Variants in GABPB1 observed in about 807,000 individuals in gnomAD.
GABPB1 encodes the protein GA-binding protein subunit beta-1.
In GABPB1, 15 loss-of-function variants were observed where a neutral mutation model predicts 45.9. That is an observed-to-expected ratio of 0.33 (90% CI 0.22 to 0.50). GABPB1 has a LOEUF of 0.50. Ranked by LOEUF, GABPB1 falls within the 20% of genes least tolerant of loss-of-function variation. The pLI, the probability that GABPB1 is intolerant of heterozygous loss-of-function variation, is 0.98. For missense variants in GABPB1, 252 were observed against 457.5 expected (o/e 0.55, Z 4.10); for synonymous variants, 143 against 154.4 (o/e 0.93, Z 0.55).
intron 6 of GABPB1, among the ~76,000 whole-genome samples, chr15:50,293,313 G>A (rs1033629897): frequency 2.6e-5 from 4 of 152,078 alleles, no homozygotes; most frequent in African/African-American, 4.8e-5. Flanking sequence ...TAGGAAACTA[G>A]TTTTCAAGAT....
chr15:50,296,580 G>A (rs1408247030), intron 6 of GABPB1, among the ~76,000 whole-genome samples: 1 of 152,164 alleles, frequency 6.6e-6, no homozygotes, highest in Non-Finnish European at 1.5e-5. Flanking sequence ...GAATCAGTCA[G>A]ACTGACCAAA....
chr15:50,307,470 G>A (rs937574040), intron 2 of GABPB1, among the ~76,000 whole-genome samples: 9 of 152,022 alleles, frequency 5.9e-5, no homozygotes, highest in East Asian at 1.9e-4. Context: ...TTGGGAGGCC[G>A]AGGCGGGCTG....
At chr15:50,306,455 C>A (rs1339625956) in intron 2 of GABPB1, among the ~76,000 whole-genome samples, 1 of 151,998 alleles carries the variant, frequency 6.6e-6, no homozygotes, top group Non-Finnish European at 1.5e-5. Context: ...CATGGTGAAA[C>A]CTCATCTACT....
At chr15:50,310,293 A>G (rs1173322539) in intron 1 of GABPB1, among the ~76,000 whole-genome samples, 2 of 152,108 alleles carry the variant, frequency 1.3e-5, no homozygotes, top group Non-Finnish European at 2.9e-5. Context: ...GGGTTTCACC[A>G]TGTTAGCCAG....
intron 1 of GABPB1, among the ~76,000 whole-genome samples, chr15:50,338,725 C>A (rs893687869): frequency 6.6e-6 from 1 of 152,144 alleles, no homozygotes; most frequent in African/African-American, 2.4e-5. Context: ...CCACCCGGGC[C>A]TTGAAAAGTG....
chr15:50,339,520 T>C (rs1476537343), intron 1 of GABPB1, among the ~76,000 whole-genome samples: 2 of 151,838 alleles, frequency 1.3e-5, no homozygotes, highest in African/African-American at 2.4e-5. Context: ...AAAAAACTTC[T>C]TGAAACCATG....
At chr15:50,278,996 T>C (rs1276360640) in intron 8 of GABPB1, among the ~76,000 whole-genome samples, 2 of 152,216 alleles carry the variant, frequency 1.3e-5, no homozygotes, top group Non-Finnish European at 2.9e-5. Flanking sequence ...GATTAATTTC[T>C]GACTGCAAGG....
chr15:50,343,783 C>T (rs7183868), intron 1 of GABPB1, among the ~76,000 whole-genome samples: 4 of 152,070 alleles, frequency 2.6e-5, no homozygotes, highest in Admixed American at 6.5e-5. Context: ...ATGATCTGCC[C>T]GCCTCGGCCT....
chr15:50,330,775 T>C (rs539255657), intron 1 of GABPB1, among the ~76,000 whole-genome samples: 12 of 152,368 alleles, frequency 7.9e-5, no homozygotes, highest in African/African-American at 2.9e-4. Context: ...TCTATGTTTC[T>C]CTTCATTCAA....
At chr15:50,329,698 T>C (rs989077334) in intron 1 of GABPB1, among the ~76,000 whole-genome samples, 4 of 152,198 alleles carry the variant, frequency 2.6e-5, no homozygotes, top group Admixed American at 2.6e-4. Flanking sequence ...TTTTTGAATG[T>C]GTATTTACAT....
intron 4 of GABPB1, among the ~76,000 whole-genome samples, chr15:50,302,548 G>A (rs1223849194): frequency 2.0e-5 from 3 of 150,146 alleles, no homozygotes; most frequent in African/African-American, 7.4e-5. Context: ...AGAGGCTGGG[G>A]CAGGAGAATT....
chr15:50,285,868 T>TTCAC, intron 8 of GABPB1, 200 bp downstream of exon 8: 1 of 1,353,862 alleles, frequency 7.4e-7, no homozygotes, highest in Non-Finnish European at 9.5e-7. Context: ...AAACAAATTC[T>TTCAC]TCACTCACTC....
chr15:50,345,837 G>A (rs1056820378), intron 1 of GABPB1, among the ~76,000 whole-genome samples: 1 of 151,848 alleles, frequency 6.6e-6, no homozygotes, highest in Admixed American at 6.6e-5. Context: ...TCAGCCTCCC[G>A]AGTAGCTGGA....
At chr15:50,282,553 T>TAAAAAAAAAAAAAAAAAAAAA (rs754828693) in intron 8 of GABPB1, among the ~76,000 whole-genome samples, 2 of 27,334 alleles carry the variant, frequency 7.3e-5, no homozygotes, top group African/African-American at 3.7e-4. Flanking sequence ...GACCCTGCCT[T>TAAAAAAAAAAAAAAAAAAAAA]AAAAAAGAAA....
At chr15:50,304,588 G>A (rs183281559) in intron 2 of GABPB1, among the ~76,000 whole-genome samples, 1 of 152,086 alleles carries the variant, frequency 6.6e-6, no homozygotes, top group East Asian at 1.9e-4. Context: ...GCATGTGCCT[G>A]TAATCCCAGC....
At chr15:50,312,541 G>C (rs896685281) in intron 1 of GABPB1, among the ~76,000 whole-genome samples, 8 of 151,942 alleles carry the variant, frequency 5.3e-5, no homozygotes, top group African/African-American at 1.9e-4. Context: ...TATTCAACAG[G>C]GAAGAAACCT....
chr15:50,296,737 T>C (rs1010349108), intron 6 of GABPB1, among the ~76,000 whole-genome samples: 3 of 152,150 alleles, frequency 2.0e-5, no homozygotes, highest in Non-Finnish European at 2.9e-5. Flanking sequence ...AAAAGATATA[T>C]ATAAACATTT....
At chr15:50,300,327 T>A (rs1404770419) in intron 6 of GABPB1, among the ~76,000 whole-genome samples, 1 of 151,670 alleles carries the variant, frequency 6.6e-6, no homozygotes, top group Non-Finnish European at 1.5e-5. Context: ...CACAGATGCC[T>A]CCCTGCCCTT....
intron 1 of GABPB1, chr15:50,327,442 A>G (rs898943499): frequency 6.6e-6 from 1 of 152,134 alleles, no homozygotes; most frequent in Non-Finnish European, 1.5e-5. Flanking sequence ...ATCCCCCTAA[A>G]ATACAATTGT....
Sources: allele counts gnomAD v4.1 joint callset (sites outside exome capture counted in the v4.1 genomes callset), GRCh38; gene constraint gnomAD v4.1.1; transcripts MANE v1.5; gene names NCBI Gene and HGNC (gene_info 2026-07-23, HGNC 2026-07-21).